The following TECRL variants were observed in gnomAD, a reference collection of about 807,000 sequenced individuals.
TECRL encodes trans-2,3-enoyl-CoA reductase-like.
Under a neutral mutation model 52.8 loss-of-function variants are expected in TECRL, and 63 were observed. That is an observed-to-expected ratio of 1.19 (90% CI 0.97 to 1.47). TECRL has a LOEUF of 1.47. TECRL is among the 40% of genes most tolerant of loss of function. TECRL has a pLI of 0.00. For missense variants in TECRL, 482 were observed against 429.6 expected, an observed-to-expected ratio of 1.12 and a Z score of -1.08; for synonymous variants, 164 against 141.9, an observed-to-expected ratio of 1.16 and a Z score of -1.10.
downstream of TECRL, chr4:64,277,159 G>C: frequency 2.8e-6 from 2 of 702,236 alleles, no homozygotes; most frequent in Non-Finnish European, 4.5e-6. Context: ...TACAAAAAAA[G>C]TATGATGGAG....
At chr4:64,370,328 A>G (rs568164114) in intron 2 of TECRL, among the ~76,000 whole-genome samples, 8 of 151,970 alleles carry the variant, frequency 5.3e-5, no homozygotes, top group African/African-American at 1.9e-4. Context: ...CCAAAAAAAA[A>G]GTAGATTTCA....
At chr4:64,313,172 C>A (rs1013894212) in intron 5 of TECRL, among the ~76,000 whole-genome samples, 5 of 152,216 alleles carry the variant, frequency 3.3e-5, no homozygotes, top group Admixed American at 2.6e-4. Flanking sequence ...GTAGGCAAAA[C>A]TTGATTCGAG....
At chr4:64,360,203 C>T (rs1721077422) in intron 2 of TECRL, among the ~76,000 whole-genome samples, 1 of 151,958 alleles carries the variant, frequency 6.6e-6, no homozygotes, top group South Asian at 2.1e-4. Flanking sequence ...GTTTGCAGCT[C>T]TTGATAATCT....
intron 9 of TECRL, among the ~76,000 whole-genome samples, chr4:64,284,284 G>A (rs1056453395): frequency 2.0e-5 from 3 of 152,004 alleles, no homozygotes; most frequent in African/African-American, 7.2e-5. Context: ...TGGCAGGCTG[G>A]GAAAGAAGGT....
intron 2 of TECRL, among the ~76,000 whole-genome samples, chr4:64,346,911 C>T (rs10517895): frequency 0.22 from 33,504 of 152,104 alleles, 3,873 homozygotes; most frequent in East Asian, 0.29. Flanking sequence ...AAAAATTTAT[C>T]GCTACTGTTT....
At chr4:64,350,936 T>C (rs1478559284) in intron 2 of TECRL, among the ~76,000 whole-genome samples, 1 of 149,698 alleles carries the variant, frequency 6.7e-6, no homozygotes, top group Admixed American at 6.8e-5. Flanking sequence ...TAGTTAACCT[T>C]TTAAGCTGAT....
At chr4:64,319,238 G>T (rs900187900) in intron 4 of TECRL, among the ~76,000 whole-genome samples, 1 of 151,662 alleles carries the variant, frequency 6.6e-6, no homozygotes, top group Non-Finnish European at 1.5e-5. Context: ...AGAAATAAGG[G>T]TTATAGAACA....
chr4:64,283,884 C>G (rs1235119052), intron 9 of TECRL, among the ~76,000 whole-genome samples: 2 of 152,068 alleles, frequency 1.3e-5, no homozygotes, highest in African/African-American at 4.8e-5. Context: ...ACAGAAGGCA[C>G]TACACTGCAA....
Position 64,334,030 on chromosome 4 carries a change from C to CAAAAAAAAAAAA in TECRL, c.287-5486_287-5475dup, listed in dbSNP as rs4034910. Among the ~76,000 whole-genome samples the CAAAAAAAAAAAA allele has an allele frequency of 7.1e-4, 20 of 28,026 alleles. 2 individuals are homozygous for CAAAAAAAAAAAA. Among genetic ancestry groups the CAAAAAAAAAAAA allele is most frequent in the Admixed American group, 2.2e-3 (4 of 1,854 alleles). 18.4% of individuals were successfully genotyped at this position (28,026 alleles called of 152,430 possible). On this transcript the variant is annotated intron_variant, in intron 2 of 11. Coordinates refer to ENST00000381210, the MANE Select transcript of TECRL (RefSeq NM_001010874.5). ...TGGGCGACAGAGCGAGACTCCGTCT[C>CAAAAAAAAAAAA]AAAAAAAAAAAAAAAAAAAGAAAAA...
rs1176577341 is a variant in TECRL, at chr4:64,354,025, AAT to A, written c.286+21145_286+21146del. ...AAGAAAGGAATGGTATGCCACGTCAAATGCAGTTGAAAGTTCAAACTAGACAT... is the reference window on the plus strand; with the variant it reads ...AAGAAAGGAATGGTATGCCACGTCAAGCAGTTGAAAGTTCAAACTAGACAT... On this transcript the variant is annotated intron_variant, in intron 2 of 11. Transcript: ENST00000381210. Among the ~76,000 whole-genome samples, 313 of 152,306 alleles carry A rather than the reference AAT, an allele frequency of 2.1e-3. 1 individual carries two copies. The highest frequency in any genetic ancestry group is 1.1e-3 in the Non-Finnish European group (74 of 68,002).
At chr4:64,304,801 T>C (rs1724231362) in intron 7 of TECRL, 2 of 154,188 alleles carry the variant, frequency 1.3e-5, no homozygotes, top group South Asian at 2.1e-4. Context: ...TGTTGAATTA[T>C]ATTTAAAAGA....
chr4:64,289,984 A>G (rs894029255), intron 8 of TECRL, among the ~76,000 whole-genome samples: 1 of 152,196 alleles, frequency 6.6e-6, no homozygotes, highest in Non-Finnish European at 1.5e-5. Context: ...ACAAGTTGGA[A>G]ATTCTGAAGA....
chr4:64,336,633 T>A (rs1719108229), intron 2 of TECRL, among the ~76,000 whole-genome samples: 1 of 152,194 alleles, frequency 6.6e-6, no homozygotes, highest in African/African-American at 2.4e-5. Flanking sequence ...CCGCTTTCTC[T>A]TGTGGGCATT....
intron 1 of TECRL, among the ~76,000 whole-genome samples, chr4:64,390,047 T>C (rs1723441250): frequency 6.6e-6 from 1 of 151,832 alleles, no homozygotes; most frequent in South Asian, 2.1e-4. Flanking sequence ...GAGTGTATGT[T>C]CTCAAAGCTG....
At chr4:64,364,824 C>G (rs1178685031) in intron 2 of TECRL, among the ~76,000 whole-genome samples, 1 of 151,110 alleles carries the variant, frequency 6.6e-6, no homozygotes, top group Admixed American at 6.7e-5. Context: ...CTCTACCAGA[C>G]TTTCAAAACG....
At chr4:64,398,418 A>C (rs1724116126) in intron 1 of TECRL, among the ~76,000 whole-genome samples, 1 of 152,156 alleles carries the variant, frequency 6.6e-6, no homozygotes, top group African/African-American at 2.4e-5. Flanking sequence ...ACTGTCCTCA[A>C]AAAAGTGAGT....
At chr4:64,304,082 T>A (rs1462610865) in intron 7 of TECRL, among the ~76,000 whole-genome samples, 1 of 151,884 alleles carries the variant, frequency 6.6e-6, no homozygotes, top group Non-Finnish European at 1.5e-5. Context: ...ATAAATGTTT[T>A]ACATATATTA....
chr4:64,315,827 T>C (rs1717459443), intron 4 of TECRL, among the ~76,000 whole-genome samples: 1 of 152,086 alleles, frequency 6.6e-6, no homozygotes, highest in South Asian at 2.1e-4. Context: ...GTAATTTACA[T>C]ATGGAGGTTT....
chr4:64,336,841 G>C (rs1239726768), intron 2 of TECRL, among the ~76,000 whole-genome samples: 1 of 152,148 alleles, frequency 6.6e-6, no homozygotes, highest in Admixed American at 6.5e-5. Flanking sequence ...TTAATCCTGA[G>C]TTCTAGTTTG....
Sources: allele counts gnomAD v4.1 joint callset (sites outside exome capture counted in the v4.1 genomes callset), GRCh38; gene constraint gnomAD v4.1.1; transcripts MANE v1.5; gene names NCBI Gene and HGNC (gene_info 2026-07-23, HGNC 2026-07-21).